The following RFC3 variants were observed in gnomAD, a reference collection of about 807,000 sequenced individuals.
RFC3 encodes the protein replication factor C subunit 3, also known as A1 38 kDa subunit.
Under a neutral mutation model 45.1 loss-of-function variants are expected in RFC3, and 41 were observed. That is an observed-to-expected ratio of 0.91 (90% CI 0.71 to 1.18). The LOEUF (loss-of-function observed/expected upper bound fraction) is 1.18. Among genes scored for constraint, RFC3 ranks in the 50% most tolerant of loss-of-function variants. RFC3 has a pLI of 0.00. For missense variants in RFC3, 423 were observed against 428.1 expected (o/e 0.99, Z 0.10); for synonymous variants, 149 against 144.0 (o/e 1.03, Z -0.25).
At chr13:33,889,258 C>CA (rs2082548294) in intron 8 of RFC3, among the ~76,000 whole-genome samples, 1 of 152,150 alleles carries the variant, frequency 6.6e-6, no homozygotes, top group African/African-American at 2.4e-5. Context: ...TTTTGAGGAA[C>CA]ATTTAGAAAT....
intron 8 of RFC3, among the ~76,000 whole-genome samples, chr13:33,923,929 G>A (rs982485210): frequency 6.6e-6 from 1 of 152,066 alleles, no homozygotes; most frequent in Non-Finnish European, 1.5e-5. Context: ...GTTTTCCTTC[G>A]GGTTAGAGCT....
intron 8 of RFC3, among the ~76,000 whole-genome samples, chr13:33,932,771 G>A (rs998228878): frequency 1.3e-5 from 2 of 152,292 alleles, no homozygotes; most frequent in Non-Finnish European, 2.9e-5. Flanking sequence ...TTCTTGAAAT[G>A]TCTGTTTCTC....
chr13:33,831,004 G>C, intron 6 of RFC3, 149 bp downstream of exon 6: 1 of 668,488 alleles, frequency 1.5e-6, no homozygotes, highest in Non-Finnish European at 2.5e-6. Flanking sequence ...AGATTATTAA[G>C]CATTAGATTT....
At chr13:33,838,827 A>G (rs2082176823), downstream of RFC3, among the ~76,000 whole-genome samples, 1 of 152,098 alleles carries the variant, frequency 6.6e-6, no homozygotes, top group Non-Finnish European at 1.5e-5. Context: ...TTGACGTTTT[A>G]GGTAAGATAT....
intron 8 of RFC3, among the ~76,000 whole-genome samples, chr13:33,927,679 T>G (rs2082822903): frequency 6.6e-6 from 1 of 152,060 alleles, no homozygotes; most frequent in South Asian, 2.1e-4. Context: ...TTGACACGAG[T>G]GACTCTATTT....
At position 33,957,558 on chromosome 13, in the gene RFC3, G is replaced by T. The variant is rs79949021; in HGVS notation, c.880-8529G>T. On this transcript the variant is annotated intron_variant, in intron 8 of 8. Coordinates refer to the RFC3 transcript ENST00000434425. ...AGAGAAATGGGCGACATTTGTTTTG[G>T]AGTAACCTGGAAGGATGAGGCCCAA... Among the ~76,000 whole-genome samples the T allele has an allele frequency of 4.4e-3, 664 of 152,202 alleles. 8 individuals carry two copies. The highest frequency in any genetic ancestry group is 0.015 in the African/African-American group (631 of 41,518).
chr13:33,829,254 G>A (rs2082079202), intron 4 of RFC3, among the ~76,000 whole-genome samples: 1 of 152,128 alleles, frequency 6.6e-6, no homozygotes, highest in Non-Finnish European at 1.5e-5. Flanking sequence ...ACTTTATGGT[G>A]GCCAGATATC....
chr13:33,941,234 AT>A (rs977245629), intron 8 of RFC3, among the ~76,000 whole-genome samples: 227 of 146,468 alleles, frequency 1.5e-3, no homozygotes, highest in African/African-American at 2.6e-3. Context: ...TTCCTGAGAG[AT>A]TTTTTTTTTT....
chr13:33,873,844 C>G (rs1186255890), intron 8 of RFC3, among the ~76,000 whole-genome samples: 1 of 152,196 alleles, frequency 6.6e-6, no homozygotes, highest in African/African-American at 2.4e-5. Flanking sequence ...GGTCAAAGTC[C>G]TTTAAAAATG....
intron 8 of RFC3, among the ~76,000 whole-genome samples, chr13:33,925,196 A>G (rs2082797972): frequency 1.5e-5 from 2 of 136,162 alleles, no homozygotes; most frequent in African/African-American, 5.6e-5. Flanking sequence ...ATAGTGTACT[A>G]TATACATACA....
In RFC3 at chr13:33,829,746, T is replaced by C. The variant is rs1043371901; in HGVS notation, c.392-90T>C. ...AGTATATCAGGCTTATTATTTAGGA[T>C]TTCATCCTGGATAATGAGAAGGAAG... On this transcript the variant is annotated intron_variant, in intron 4 of 8. Transcript: ENST00000380071. 8.8e-6 allele frequency: 9 copies of C among 1,017,108 alleles called. No individual in the cohort carries two copies. The African/African-American group carries it at 1.4e-4, about 16-fold the overall frequency. The allele number at this position is 1,017,108 out of a possible 1,614,324, so 63.0% of individuals were successfully genotyped here.
intron 8 of RFC3, among the ~76,000 whole-genome samples, chr13:33,936,338 T>C (rs2082886182): frequency 6.6e-6 from 1 of 152,016 alleles, no homozygotes; most frequent in African/African-American, 2.4e-5. Flanking sequence ...TTGTATGGAG[T>C]AATTTTCCTA....
At chr13:33,835,312 T>G (rs112189970) in intron 8 of RFC3, 95 bp downstream of exon 8, 95 of 798,076 alleles carry the variant, frequency 1.2e-4, no homozygotes, top group African/African-American at 1.1e-3. Flanking sequence ...AGATATCACC[T>G]CTTTCTCTCC....
chr13:33,938,973 G>T (rs1009578013), intron 8 of RFC3, among the ~76,000 whole-genome samples: 2 of 152,118 alleles, frequency 1.3e-5, no homozygotes, highest in South Asian at 4.2e-4. Context: ...GTGTGTAGTG[G>T]TATCATATTA....
intron 8 of RFC3, among the ~76,000 whole-genome samples, chr13:33,945,067 G>C (rs1166679587): frequency 6.6e-6 from 1 of 152,140 alleles, no homozygotes; most frequent in Non-Finnish European, 1.5e-5. Context: ...AGCCTTGTCA[G>C]CTCTTGCCCT....
intron 5 of RFC3, 81 bp from the exon 6 acceptor site, chr13:33,830,638 A>G (rs1354062312): frequency 1.8e-6 from 2 of 1,114,914 alleles, no homozygotes; most frequent in African/African-American, 3.2e-5. Flanking sequence ...TACAGTTATA[A>G]GGGTCTAGGA....
chr13:33,960,011 G>A (rs1307489068), intron 8 of RFC3, among the ~76,000 whole-genome samples: 1 of 152,018 alleles, frequency 6.6e-6, no homozygotes, highest in African/African-American at 2.4e-5. Flanking sequence ...CAGGGGAGGT[G>A]CCACACACTT....
chr13:33,966,986 G>A (rs760284732), downstream of RFC3, among the ~76,000 whole-genome samples: 3 of 151,774 alleles, frequency 2.0e-5, no homozygotes, highest in South Asian at 2.1e-4. Flanking sequence ...GCGAAACCCC[G>A]TCTCTACTAA....
chr13:33,857,693 A>G (rs1334612618), intron 8 of RFC3, among the ~76,000 whole-genome samples: 1 of 152,252 alleles, frequency 6.6e-6, no homozygotes, highest in Non-Finnish European at 1.5e-5. Flanking sequence ...TAACCTTTTC[A>G]GAGTCCTTAA....
Sources: gnomAD v4.1 joint callset for allele counts (sites outside exome capture counted in the v4.1 genomes callset) on GRCh38, gnomAD v4.1.1 for gene constraint, MANE v1.5 for transcripts, NCBI Gene and HGNC (gene_info 2026-07-23, HGNC 2026-07-21) for gene names.